MAP4K3: variants seen among roughly 807,000 people sequenced by gnomAD.
MAP4K3 encodes the protein MAPK/ERK kinase kinase kinase 3.
In MAP4K3, 94 loss-of-function variants were observed where a neutral mutation model predicts 143.5. That is an observed-to-expected ratio of 0.65 (90% CI 0.55 to 0.78). MAP4K3 has a LOEUF of 0.78. Ranked by LOEUF, MAP4K3 falls within the 30% of genes least tolerant of loss-of-function variation. The pLI is 0.00. For missense variants in MAP4K3, 1,077 were observed against 1,068.1 expected, an observed-to-expected ratio of 1.01 and a Z score of -0.12; for synonymous variants, 416 against 347.2, an observed-to-expected ratio of 1.20 and a Z score of -2.20.
intron 1 of MAP4K3, among the ~76,000 whole-genome samples, chr2:39,417,858 A>G (rs1399436112): frequency 3.9e-5 from 6 of 152,138 alleles, no homozygotes; most frequent in African/African-American, 1.4e-4. Flanking sequence ...TAGGGCAGAG[A>G]AATACAAGAT....
intron 15 of MAP4K3, among the ~76,000 whole-genome samples, chr2:39,301,721 T>G (rs952521962): frequency 6.6e-6 from 1 of 151,888 alleles, no homozygotes; most frequent in African/African-American, 2.4e-5. Context: ...GCGGTAATAA[T>G]GATTAAAAAT....
At chr2:39,364,969 A>G (rs1665880110) in intron 2 of MAP4K3, among the ~76,000 whole-genome samples, 1 of 152,144 alleles carries the variant, frequency 6.6e-6, no homozygotes, top group African/African-American at 2.4e-5. Flanking sequence ...AGACCTATGA[A>G]GTGCCAGACT....
intron 3 of MAP4K3, 103 bp from the exon 4 acceptor site, chr2:39,343,555 A>AC: frequency 1.3e-6 from 1 of 796,398 alleles, no homozygotes; most frequent in Non-Finnish European, 2.1e-6. Context: ...GAAAAACAAC[A>AC]AATGCAATGT....
intron 29 of MAP4K3, among the ~76,000 whole-genome samples, chr2:39,259,528 C>T (rs1164969167): frequency 4.6e-5 from 7 of 152,210 alleles, no homozygotes; most frequent in Admixed American, 3.9e-4. Context: ...CAGGTATACA[C>T]CACTTAAAAA....
In MAP4K3 at chr2:39,268,634, ATTTTTT is replaced by A. The variant is rs70954799; in HGVS notation, c.1974-1393_1974-1388del. ...CTGTGCCCGGCTAAAGATTTTTTCT[ATTTTTT>A]TTTTTTTTTTTTTTTTTGAGACGGA... is the stretch of plus-strand genomic sequence containing the variant. On this transcript the variant is annotated intron_variant, in intron 26 of 33. Transcript: ENST00000263881. Among the ~76,000 whole-genome samples the A allele has an allele frequency of 2.5e-3, 185 of 73,784 alleles. 3 individuals carry two copies. Among genetic ancestry groups the A allele is most frequent in the African/African-American group, 7.8e-3 (149 of 19,078 alleles). 48.4% of individuals were successfully genotyped at this position (73,784 alleles called of 152,430 possible).
intron 1 of MAP4K3, among the ~76,000 whole-genome samples, chr2:39,378,677 T>C (rs1666283739): frequency 6.6e-6 from 1 of 152,120 alleles, no homozygotes; most frequent in African/African-American, 2.4e-5. Context: ...ATTGTGTATA[T>C]AATTATGAAA....
At chr2:39,269,267 TA>T (rs1680911979) in intron 26 of MAP4K3, among the ~76,000 whole-genome samples, 1 of 151,908 alleles carries the variant, frequency 6.6e-6, no homozygotes, top group South Asian at 2.1e-4. Context: ...AATATAATAT[TA>T]AAAAATATAA....
intron 14 of MAP4K3, among the ~76,000 whole-genome samples, chr2:39,309,124 T>A (rs553083903): frequency 9.3e-5 from 14 of 150,570 alleles, no homozygotes; most frequent in Non-Finnish European, 1.8e-4. Flanking sequence ...TTAAAAAAAA[T>A]TTTATTTTAT....
At chr2:39,415,432 C>CGGAA (rs1558344277) in intron 1 of MAP4K3, among the ~76,000 whole-genome samples, 1 of 151,920 alleles carries the variant, frequency 6.6e-6, no homozygotes, top group Non-Finnish European at 1.5e-5. Flanking sequence ...AACAGACTTA[C>CGGAA]GGAATTAAAT....
intron 1 of MAP4K3, among the ~76,000 whole-genome samples, chr2:39,384,586 G>T (rs867996956): frequency 2.4e-4 from 37 of 152,086 alleles, no homozygotes; most frequent in African/African-American, 8.7e-4. Flanking sequence ...ACCCAGCATT[G>T]TCCAAAAGAA....
intron 1 of MAP4K3, among the ~76,000 whole-genome samples, chr2:39,401,072 G>C (rs991757806): frequency 6.6e-6 from 1 of 152,100 alleles, no homozygotes; most frequent in African/African-American, 2.4e-5. Context: ...CAGTTTCCAG[G>C]CCTCAGTGCA....
intron 1 of MAP4K3, among the ~76,000 whole-genome samples, chr2:39,421,190 C>A (rs1468730307): frequency 6.6e-6 from 1 of 152,114 alleles, no homozygotes; most frequent in African/African-American, 2.4e-5. Context: ...AATTGCTTCC[C>A]TTATTTCTAT....
At chr2:39,369,111 T>TTA (rs1666004912) in intron 2 of MAP4K3, among the ~76,000 whole-genome samples, 1 of 152,078 alleles carries the variant, frequency 6.6e-6, no homozygotes, top group Non-Finnish European at 1.5e-5. Flanking sequence ...CTGCCTACAG[T>TTA]TATACTCTGA....
At position 39,355,278 on chromosome 2, in the gene MAP4K3, T is replaced by A. The variant is rs187564679; in HGVS notation, c.245+971A>T. Among the ~76,000 whole-genome samples, 15 of 149,296 alleles carry A rather than the reference T, an allele frequency of 1.0e-4. No individual in the cohort carries two copies. In the East Asian group the frequency reaches 3.0e-3, roughly 30 times the overall value. On this transcript the variant is annotated intron_variant, in intron 3 of 33. Transcript: ENST00000263881. ...CAGGAGGCTGAGGCAGGGGAATCAC[T>A]TGAACCCGGGAGGTGGAAGGTGCGG...
At chr2:39,404,324 T>C (rs1280038091) in intron 1 of MAP4K3, among the ~76,000 whole-genome samples, 2 of 152,010 alleles carry the variant, frequency 1.3e-5, no homozygotes, top group Non-Finnish European at 2.9e-5. Flanking sequence ...TTTCTGGACC[T>C]GCACTGGGGC....
intron 1 of MAP4K3, among the ~76,000 whole-genome samples, chr2:39,389,646 TAA>T (rs35053775): frequency 0.015 from 2,334 of 152,220 alleles, 30 homozygotes; most frequent in Middle Eastern, 0.034. Flanking sequence ...GAAAAAAAGT[TAA>T]GTCAGTCTAG....
chr2:39,288,411 G>A (rs1681890126), intron 19 of MAP4K3, 131 bp from the exon 20 acceptor site: 2 of 701,446 alleles, frequency 2.9e-6, no homozygotes, highest in Non-Finnish European at 2.3e-6. Flanking sequence ...GAGTTTAAAG[G>A]TTACTCAACC....
intron 15 of MAP4K3, among the ~76,000 whole-genome samples, chr2:39,305,920 C>T (rs1451159614): frequency 1.3e-5 from 2 of 152,088 alleles, no homozygotes; most frequent in Non-Finnish European, 2.9e-5. Flanking sequence ...ACCTCCGCCT[C>T]CCAGGTTCAA....
chr2:39,408,639 C>CCA (rs370334098), intron 1 of MAP4K3, among the ~76,000 whole-genome samples: 1 of 135,984 alleles, frequency 7.4e-6, no homozygotes, highest in Non-Finnish European at 1.6e-5. Context: ...GCAGATATGG[C>CCA]AAAAAAAAAA....
Sources: gnomAD v4.1 joint callset for allele counts (sites outside exome capture counted in the v4.1 genomes callset) on GRCh38, gnomAD v4.1.1 for gene constraint, MANE v1.5 for transcripts, NCBI Gene and HGNC (gene_info 2026-07-23, HGNC 2026-07-21) for gene names.